Variants in CAPZB observed in about 807,000 individuals in gnomAD.
CAPZB encodes the protein F-actin-capping protein subunit beta.
CAPZB carries 2 observed loss-of-function variants against 38.1 expected under a neutral mutation model. The observed-to-expected ratio is 0.05, with a 90% CI of 0.02 to 0.17. CAPZB has a LOEUF of 0.17. Ranked by LOEUF, CAPZB falls within the 10% of genes least tolerant of loss-of-function variation. The pLI, the probability that CAPZB is intolerant of heterozygous loss-of-function variation, is 1.00. For missense variants in CAPZB, 161 were observed against 334.2 expected (o/e 0.48, Z 4.04); for synonymous variants, 107 against 127.4 (o/e 0.84, Z 1.08).
At chr1:19,435,628 C>T (rs947302138) in intron 1 of CAPZB, among the ~76,000 whole-genome samples, 7 of 152,222 alleles carry the variant, frequency 4.6e-5, no homozygotes, top group Non-Finnish European at 8.8e-5. Flanking sequence ...ATGCCAATAT[C>T]TCATGTAATC....
chr1:19,383,697 A>C (rs1479142621), intron 3 of CAPZB, among the ~76,000 whole-genome samples: 1 of 152,118 alleles, frequency 6.6e-6, no homozygotes, highest in Non-Finnish European at 1.5e-5. Flanking sequence ...TCCCCAGCCT[A>C]AACCTCTCTC....
intron 1 of CAPZB, among the ~76,000 whole-genome samples, chr1:19,457,143 T>C (rs1179800282): frequency 6.6e-6 from 1 of 152,170 alleles, no homozygotes; most frequent in Non-Finnish European, 1.5e-5. Context: ...CAAAGGGGAA[T>C]TAGAGACACT....
chr1:19,384,763 G>A (rs1050675132), intron 3 of CAPZB, among the ~76,000 whole-genome samples: 1 of 152,146 alleles, frequency 6.6e-6, no homozygotes, highest in African/African-American at 2.4e-5. Context: ...GAAACACTGG[G>A]CCAGTTTAAG....
chr1:19,464,230 A>C (rs920367912), intron 1 of CAPZB, among the ~76,000 whole-genome samples: 2 of 151,272 alleles, frequency 1.3e-5, no homozygotes. Context: ...GGAGCAAAGG[A>C]GGAAAGGAAG....
chr1:19,402,878 T>G (rs546729289), intron 2 of CAPZB, among the ~76,000 whole-genome samples: 1 of 151,994 alleles, frequency 6.6e-6, no homozygotes, highest in East Asian at 1.9e-4. Context: ...TGAAACTCCA[T>G]CTCTACTAAA....
chr1:19,430,678 T>C (rs1500969), intron 1 of CAPZB, among the ~76,000 whole-genome samples: 149,875 of 152,254 alleles, frequency 0.98, 73,811 homozygotes, highest in East Asian at 1. Context: ...CCCACCAACT[T>C]TAGTCACTCC....
At chr1:19,441,729 C>G (rs1033684417) in intron 1 of CAPZB, among the ~76,000 whole-genome samples, 4 of 151,538 alleles carry the variant, frequency 2.6e-5, no homozygotes, top group Admixed American at 1.3e-4. Flanking sequence ...CAGGAGAGGC[C>G]GGGCACAGTG....
At chr1:19,462,536 A>G (rs2094555433) in intron 1 of CAPZB, among the ~76,000 whole-genome samples, 1 of 152,198 alleles carries the variant, frequency 6.6e-6, no homozygotes. Context: ...AGGCCCAAGG[A>G]GGGTAAGCAT....
intron 1 of CAPZB, among the ~76,000 whole-genome samples, chr1:19,436,058 C>T (rs1221634795): frequency 6.6e-6 from 1 of 152,224 alleles, no homozygotes; most frequent in African/African-American, 2.4e-5. Flanking sequence ...GTTCCCCCAT[C>T]TATAAATGAG....
At chr1:19,410,691 G>C (rs558231606) in intron 2 of CAPZB, among the ~76,000 whole-genome samples, 1 of 152,178 alleles carries the variant, frequency 6.6e-6, no homozygotes, top group Non-Finnish European at 1.5e-5. Flanking sequence ...GTACTTCCAT[G>C]GTGACCATTC....
At chr1:19,471,547 C>A (rs2094587001) in intron 1 of CAPZB, among the ~76,000 whole-genome samples, 1 of 144,252 alleles carries the variant, frequency 6.9e-6, no homozygotes, top group Admixed American at 7.1e-5. Flanking sequence ...ACCATGGCAA[C>A]CAGTTCTTGT....
chr1:19,475,598 G>C (rs891904191), intron 1 of CAPZB, among the ~76,000 whole-genome samples: 2 of 152,210 alleles, frequency 1.3e-5, no homozygotes, highest in African/African-American at 4.8e-5. Context: ...TCTCGACTGA[G>C]AGCCTGACAC....
At chr1:19,389,575 G>A (rs1042501781) in intron 2 of CAPZB, among the ~76,000 whole-genome samples, 1 of 151,966 alleles carries the variant, frequency 6.6e-6, no homozygotes, top group Admixed American at 6.6e-5. Context: ...TTACAGGTGT[G>A]TGCCACCACG....
chr1:19,484,103 T>G lies in CAPZB; in HGVS notation c.3+1333A>C, dbSNP rs1470053761. 2.1e-6 allele frequency: 3 copies of G among 1,416,910 alleles called. No homozygotes were observed. In the East Asian group the frequency reaches 7.5e-5, roughly 36 times the overall value. 87.8% of individuals were successfully genotyped at this position (1,416,910 alleles called of 1,614,324 possible). ...TGGGGGCCTATGTGAAACCCCAGGTTCCTCAAAAGTCTGGATAGCATCTGC... is the reference window on the plus strand; with the variant it reads ...TGGGGGCCTATGTGAAACCCCAGGTGCCTCAAAAGTCTGGATAGCATCTGC... On this transcript the variant is annotated intron_variant, in intron 1 of 8. Coordinates refer to ENST00000264202, the MANE Select transcript of CAPZB (RefSeq NM_004930.5).
intron 1 of CAPZB, among the ~76,000 whole-genome samples, chr1:19,458,928 G>A (rs766664655): frequency 1.3e-5 from 2 of 152,184 alleles, no homozygotes; most frequent in African/African-American, 4.8e-5. Flanking sequence ...TTAACTACTA[G>A]GTGGAGAGGG....
chr1:19,356,851 A>C lies in CAPZB; in HGVS notation c.472-100T>G. 1.4e-6 allele frequency: 1 copy of C among 736,948 alleles called. No homozygotes were observed. The highest frequency in any genetic ancestry group is 2.3e-6 in the Non-Finnish European group (1 of 433,052). 45.7% of individuals were successfully genotyped at this position (736,948 alleles called of 1,614,324 possible). On this transcript the variant is annotated intron_variant, in intron 5 of 8. Coordinates refer to ENST00000264202, the MANE Select transcript of CAPZB (RefSeq NM_004930.5). The surrounding 1 kb of genome is among the most constrained non-coding windows in gnomAD (Gnocchi z 4.3). ...ACATCTCCCTTCCTAGGTCATTATC[A>C]CAATATTACCTTTTTTTTTTTTAAA...
chr1:19,465,278 A>AT (rs899848587), intron 1 of CAPZB, among the ~76,000 whole-genome samples: 2 of 152,150 alleles, frequency 1.3e-5, no homozygotes, highest in Admixed American at 6.5e-5. Flanking sequence ...CATGAATGAC[A>AT]TTAATGCCCC....
intron 1 of CAPZB, among the ~76,000 whole-genome samples, chr1:19,480,692 C>T (rs894260694): frequency 8.5e-5 from 13 of 152,198 alleles, no homozygotes; most frequent in African/African-American, 2.7e-4. Flanking sequence ...ACAAGGAATT[C>T]GGGCCTGACA....
chr1:19,432,485 A>C (rs1369721049), intron 1 of CAPZB, among the ~76,000 whole-genome samples: 5 of 152,232 alleles, frequency 3.3e-5, no homozygotes, highest in African/African-American at 1.2e-4. Context: ...TGTCCAGATA[A>C]TTTTATTTTT....
Sources: allele counts gnomAD v4.1 joint callset (sites outside exome capture counted in the v4.1 genomes callset), GRCh38; gene constraint gnomAD v4.1.1; non-coding constraint Gnocchi (gnomAD v3.1); transcripts MANE v1.5; gene names NCBI Gene and HGNC (gene_info 2026-07-23, HGNC 2026-07-21).